The following DMD variants were observed in gnomAD, a reference collection of about 807,000 sequenced individuals.
The protein encoded by DMD is dystrophin.
Under a neutral mutation model 330.1 loss-of-function variants are expected in DMD, and 63 were observed. That is an observed-to-expected ratio of 0.19 (90% CI 0.16 to 0.24). DMD has a LOEUF of 0.24. Ranked by LOEUF, DMD falls within the 10% of genes least tolerant of loss-of-function variation. The probability of loss-of-function intolerance (pLI) is 1.00; values close to 1 mark genes in which losing one functional copy is unlikely to be tolerated. For synonymous variants in DMD, 1,223 were observed against 959.8 expected (o/e 1.27, Z -5.07); for missense variants, 3,344 against 2,684.1 (o/e 1.25, Z -5.43).
intron 52 of DMD, among the ~76,000 whole-genome samples, chrX:31,719,877 T>A (rs897869138): frequency 9.0e-6 from 1 of 111,469 alleles, no homozygotes; most frequent in African/African-American, 3.3e-5. Context: ...ACTGTGAAAG[T>A]GAATCCTTCA....
chrX:32,185,905 C>T (rs1004002812), intron 44 of DMD, among the ~76,000 whole-genome samples: 1 of 110,417 alleles, frequency 9.1e-6, no homozygotes, highest in African/African-American at 3.3e-5. Flanking sequence ...TTTTGAGATC[C>T]AGAAGGACAA....
intron 44 of DMD, among the ~76,000 whole-genome samples, chrX:32,182,644 C>G (rs2096931270): frequency 9.0e-6 from 1 of 111,523 alleles, no homozygotes; most frequent in Non-Finnish European, 1.9e-5. Flanking sequence ...TTTTTATACA[C>G]TCAGCACCTA....
chrX:32,385,286 G>A (rs1157097973), intron 33 of DMD, among the ~76,000 whole-genome samples: 4 of 110,458 alleles, frequency 3.6e-5, no homozygotes, highest in South Asian at 3.8e-4. Flanking sequence ...CCAAGGGGCC[G>A]AGAATACACA....
chrX:33,281,547 A>G (rs773720687), intron 1 of DMD, among the ~76,000 whole-genome samples: 66 of 111,374 alleles, frequency 5.9e-4, no homozygotes, highest in African/African-American at 2.0e-3. Context: ...TAATTTCAAC[A>G]TCTAATTTAT....
chrX:32,560,562 A>G (rs2050879303), intron 16 of DMD, among the ~76,000 whole-genome samples: 1 of 110,710 alleles, frequency 9.0e-6, no homozygotes, highest in African/African-American at 3.3e-5. Context: ...TGAGCCCAGC[A>G]TCCGTTAGCT....
At chrX:31,875,455 A>G in intron 47 of DMD, 82 bp from the exon 48 acceptor site, 3 of 772,716 alleles carry the variant, frequency 3.9e-6, no homozygotes, top group South Asian at 4.9e-5. Context: ...TTCAAAAGTT[A>G]TTTATCATGA....
Position 32,364,599 on chromosome X carries a change from T to C in DMD, c.5137A>G (p.Lys1713Glu). The change falls in exon 36 of 79, where the codon AAA (lysine) becomes GAA (glutamate). Residue 1713 changes from lysine to glutamate, a missense_variant. Coordinates refer to ENST00000357033, the MANE Select transcript of DMD (RefSeq NM_004006.3). Reference sequence around the variant, plus strand: ...TTTGCTACCTTAAGCACGTCTTCTTTTTGCTGGGGTTTCTTTTTCTCTGAT... The same window carrying C: ...TTTGCTACCTTAAGCACGTCTTCTTCTTGCTGGGGTTTCTTTTTCTCTGAT... ...DESEKKKPQQ[K>E]EDVLKRLKAE... The C allele has an allele frequency of 8.3e-7, 1 of 1,210,954 alleles. No individual in the cohort carries two copies. The highest frequency in any genetic ancestry group is 1.1e-6 in the Non-Finnish European group (1 of 895,002).
At chrX:32,019,060 A>G (rs1340315423) in intron 44 of DMD, among the ~76,000 whole-genome samples, 1 of 110,890 alleles carries the variant, frequency 9.0e-6, no homozygotes, top group Non-Finnish European at 1.9e-5. Context: ...GTAAAGCTGT[A>G]TTAACTTTGT....
chrX:31,902,008 A>C (rs1387635959), intron 47 of DMD, among the ~76,000 whole-genome samples: 2 of 111,671 alleles, frequency 1.8e-5, no homozygotes, highest in African/African-American at 3.2e-5. Context: ...CATTGTTATT[A>C]ACTATAGTAA....
chrX:31,331,769 G>C (rs553416467), intron 61 of DMD, among the ~76,000 whole-genome samples: 1 of 111,872 alleles, frequency 8.9e-6, no homozygotes, highest in Non-Finnish European at 1.9e-5. Flanking sequence ...TTTAAAAGAC[G>C]ACAGGCAGTC....
chrX:32,468,871 C>T (rs1026146905), intron 22 of DMD, among the ~76,000 whole-genome samples, 161 bp from the exon 23 acceptor site: 8 of 111,288 alleles, frequency 7.2e-5, no homozygotes, highest in African/African-American at 2.6e-4. Context: ...TTAAATTTTA[C>T]ATATTATCCT....
chrX:32,705,031 A>G (rs1052636185), intron 7 of DMD, among the ~76,000 whole-genome samples: 1 of 111,970 alleles, frequency 8.9e-6, no homozygotes, highest in Non-Finnish European at 1.9e-5. Flanking sequence ...CTAATTCATT[A>G]AAGCATGATA....
chrX:32,318,640 A>G lies in DMD; in HGVS notation c.5923-8364T>C, dbSNP rs147196404. 1.9e-4 allele frequency among the ~76,000 whole-genome samples: 21 copies of G among 111,548 alleles called. No individual in the cohort carries two copies. In the East Asian group the frequency reaches 5.7e-3, roughly 30 times the overall value. ...TGCTTATGTGAAGCTATGTAACCAA[A>G]AAAAGGGCCTGTCCATCTCAGAATA... On this transcript the variant is annotated intron_variant, in intron 41 of 78. Transcript: ENST00000357033.
chrX:32,119,937 A>G (rs1198319382), intron 44 of DMD, among the ~76,000 whole-genome samples: 1 of 112,006 alleles, frequency 8.9e-6, no homozygotes, highest in Non-Finnish European at 1.9e-5. Flanking sequence ...TTACTTGATT[A>G]TACAGCTGAC....
At chrX:32,781,050 G>A (rs913605315) in intron 7 of DMD, among the ~76,000 whole-genome samples, 6 of 108,057 alleles carry the variant, frequency 5.6e-5, no homozygotes, top group African/African-American at 1.7e-4. Context: ...CCCGGGAGGC[G>A]GAGCTTGCAG....
chrX:31,749,478 C>A (rs1405169903), intron 51 of DMD, among the ~76,000 whole-genome samples: 18 of 105,188 alleles, frequency 1.7e-4, no homozygotes, highest in African/African-American at 5.5e-4. Flanking sequence ...TGAACTCATC[C>A]TTTTTTATGG....
chrX:32,691,071 T>A (rs2063245058), intron 9 of DMD, among the ~76,000 whole-genome samples: 1 of 111,218 alleles, frequency 9.0e-6, no homozygotes, highest in Admixed American at 9.6e-5. Context: ...ACAAACCATA[T>A]ATATATATTA....
chrX:32,800,631 A>G (rs2076489611), intron 7 of DMD, among the ~76,000 whole-genome samples: 1 of 111,157 alleles, frequency 9.0e-6, no homozygotes, highest in African/African-American at 3.3e-5. Context: ...ATAGGTATAC[A>G]CATGCCATGG....
rs141732413 is a variant in DMD, at chrX:32,597,940, G to A, written c.1483-2064C>T. ...GAGAAACAAGTTTGGGACATTTCCC[G>A]TTACTTTCTGGCAAACGTGCTGTCC... On this transcript the variant is annotated intron_variant, in intron 12 of 78. Transcript: ENST00000357033. Among the ~76,000 whole-genome samples, 420 of 112,115 alleles carry A rather than the reference G, an allele frequency of 3.7e-3. 8 individuals carry two copies. The highest frequency in any genetic ancestry group is 0.026 in the Admixed American group (280 of 10,607).
Sources: allele counts gnomAD v4.1 joint callset (sites outside exome capture counted in the v4.1 genomes callset), GRCh38; gene constraint gnomAD v4.1.1; transcripts MANE v1.5; gene names NCBI Gene and HGNC (gene_info 2026-07-23, HGNC 2026-07-21).